CPPED1: variants seen among roughly 807,000 people sequenced by gnomAD.
CPPED1 encodes the protein serine/threonine-protein phosphatase CPPED1.
Under a neutral mutation model 28.0 loss-of-function variants are expected in CPPED1, and 28 were observed. That is an observed-to-expected ratio of 1.00 (90% CI 0.74 to 1.37). The LOEUF (loss-of-function observed/expected upper bound fraction) is 1.37. Among genes scored for constraint, CPPED1 ranks in the 40% most tolerant of loss-of-function variants. CPPED1 has a pLI of 0.00. For synonymous variants in CPPED1, 198 were observed against 180.2 expected (o/e 1.10, Z -0.79); for missense variants, 504 against 416.5 (o/e 1.21, Z -1.83).
chr16:12,782,170 T>C (rs2080535713), intron 1 of CPPED1, among the ~76,000 whole-genome samples: 1 of 152,098 alleles, frequency 6.6e-6, no homozygotes, highest in Admixed American at 6.6e-5. Flanking sequence ...TTTCTACTCT[T>C]ATCTGCCAGA....
intron 3 of CPPED1, among the ~76,000 whole-genome samples, chr16:12,702,362 C>T (rs1361634997): frequency 6.6e-6 from 1 of 151,966 alleles, no homozygotes; most frequent in East Asian, 1.9e-4. Flanking sequence ...CACAGTCAGA[C>T]CCCGTTTCTA....
At chr16:12,675,388 G>C (rs765398023) in intron 3 of CPPED1, among the ~76,000 whole-genome samples, 1 of 152,232 alleles carries the variant, frequency 6.6e-6, no homozygotes, top group South Asian at 2.1e-4. Context: ...TGCATCAACA[G>C]AGGATGATTT....
chr16:12,739,032 G>A (rs1342990194), intron 2 of CPPED1, among the ~76,000 whole-genome samples: 17 of 152,122 alleles, frequency 1.1e-4, no homozygotes, highest in African/African-American at 3.9e-4. Flanking sequence ...GAGGGAGGCG[G>A]CTTTCGCATT....
At chr16:12,797,986 G>T (rs961716227) in intron 1 of CPPED1, among the ~76,000 whole-genome samples, 1 of 152,152 alleles carries the variant, frequency 6.6e-6, no homozygotes, top group Non-Finnish European at 1.5e-5. Flanking sequence ...AGGAGGCTGA[G>T]GTGGGAGGAT....
chr16:12,710,747 G>T (rs765558091), intron 2 of CPPED1, among the ~76,000 whole-genome samples: 1 of 152,098 alleles, frequency 6.6e-6, no homozygotes, highest in Non-Finnish European at 1.5e-5. Context: ...TGCCCAACAC[G>T]ACTACTTATT....
intron 2 of CPPED1, among the ~76,000 whole-genome samples, chr16:12,769,274 A>G (rs959215785): frequency 6.6e-6 from 1 of 152,206 alleles, no homozygotes; most frequent in Non-Finnish European, 1.5e-5. Flanking sequence ...AATTTAAAAA[A>G]TATTTTGATA....
chr16:12,743,099 G>A (rs1032920700), intron 2 of CPPED1, among the ~76,000 whole-genome samples: 1 of 152,164 alleles, frequency 6.6e-6, no homozygotes, highest in African/African-American at 2.4e-5. Context: ...AAGGAAAGGT[G>A]GGTGTTCAGC....
intron 2 of CPPED1, among the ~76,000 whole-genome samples, chr16:12,723,273 C>T (rs1386486631): frequency 6.6e-6 from 1 of 152,236 alleles, no homozygotes; most frequent in Non-Finnish European, 1.5e-5. Context: ...TTCTGGCTTA[C>T]TGCAATCTGT....
At position 12,709,762 on chromosome 16, in the gene CPPED1, C is replaced by G. The variant is rs1298913642; in HGVS notation, c.290-4713G>C. On this transcript the variant is annotated intron_variant, in intron 2 of 3. Transcript: ENST00000381774. This position sits in a 1 kb window ranked among gnomAD's most constrained non-coding sequence, Gnocchi z 4.4. ...TATGATCATAGGTAATGGTGAAAGA[C>G]TGACTGCCTTCCTCCAAGATCAGGA... is the stretch of plus-strand genomic sequence containing the variant. 6.6e-6 allele frequency among the ~76,000 whole-genome samples: 1 copy of G among 152,122 alleles called. No individual in the cohort carries two copies. Among genetic ancestry groups the G allele is most frequent in the African/African-American group, 2.4e-5 (1 of 41,430 alleles).
chr16:12,744,005 G>C (rs1358978255), intron 2 of CPPED1, among the ~76,000 whole-genome samples: 1 of 152,102 alleles, frequency 6.6e-6, no homozygotes, highest in East Asian at 1.9e-4. Context: ...GGCTGGGCGT[G>C]GTGGCTCACA....
intron 1 of CPPED1, among the ~76,000 whole-genome samples, chr16:12,803,382 T>C (rs1317659558): frequency 1.3e-5 from 2 of 152,242 alleles, no homozygotes; most frequent in African/African-American, 4.8e-5. Context: ...AAGATGCTAA[T>C]GCACAGCTTG....
intron 2 of CPPED1, among the ~76,000 whole-genome samples, chr16:12,718,036 AG>A (rs2080116575): frequency 6.6e-6 from 1 of 152,220 alleles, no homozygotes; most frequent in East Asian, 1.9e-4. Flanking sequence ...TTTTCAGCTA[AG>A]AATGGGAAAG....
chr16:12,781,493 T>G, intron 1 of CPPED1, 90 bp from the exon 2 acceptor site: 1 of 1,156,274 alleles, frequency 8.6e-7, no homozygotes, highest in Non-Finnish European at 1.2e-6. Flanking sequence ...GGATACACTA[T>G]TTTTCTTAAA....
intron 2 of CPPED1, among the ~76,000 whole-genome samples, chr16:12,729,968 C>T (rs1420515558): frequency 1.3e-5 from 2 of 152,144 alleles, no homozygotes; most frequent in African/African-American, 4.8e-5. Flanking sequence ...CTCAAGTTAT[C>T]CTCCCAGCTC....
chr16:12,722,960 G>C (rs2080149444), intron 2 of CPPED1, among the ~76,000 whole-genome samples: 1 of 152,074 alleles, frequency 6.6e-6, no homozygotes, highest in African/African-American at 2.4e-5. Flanking sequence ...GGAAGACATC[G>C]GGATACCCAC....
intron 2 of CPPED1, chr16:12,780,870 T>C (rs1272338734): frequency 3.3e-6 from 1 of 303,540 alleles, no homozygotes; most frequent in African/African-American, 2.1e-5. Flanking sequence ...ATGGATATAG[T>C]GTCTGGAAGC....
At chr16:12,757,732 A>G (rs1195599597) in intron 2 of CPPED1, 5 of 145,388 alleles carry the variant, frequency 3.4e-5, no homozygotes, top group Non-Finnish European at 1.5e-5. Context: ...TCCTAATGGC[A>G]ACCTTTTAAA....
At chr16:12,721,454 C>CA (rs2080139440) in intron 2 of CPPED1, among the ~76,000 whole-genome samples, 1 of 151,852 alleles carries the variant, frequency 6.6e-6, no homozygotes, top group South Asian at 2.1e-4. Flanking sequence ...AGAAAAAATA[C>CA]AAAAAAAGGA....
intron 2 of CPPED1, among the ~76,000 whole-genome samples, chr16:12,755,482 A>G (rs2080360161): frequency 6.6e-6 from 1 of 151,732 alleles, no homozygotes; most frequent in South Asian, 2.1e-4. Flanking sequence ...GGGTCTCACT[A>G]TGTGGCTGAG....
Sources: gnomAD v4.1 joint callset for allele counts (sites outside exome capture counted in the v4.1 genomes callset) on GRCh38, gnomAD v4.1.1 for gene constraint, Gnocchi (gnomAD v3.1) non-coding constraint, MANE v1.5 for transcripts, NCBI Gene and HGNC (gene_info 2026-07-23, HGNC 2026-07-21) for gene names.